GRIK2: variants seen among roughly 807,000 people sequenced by gnomAD.
GRIK2 encodes the protein glutamate ionotropic receptor kainate type subunit 2.
A neutral mutation model predicts 100.3 loss-of-function variants in GRIK2; 32 were observed. That is an observed-to-expected ratio of 0.32 (90% CI 0.24 to 0.43). The LOEUF (loss-of-function observed/expected upper bound fraction) is 0.43. Among genes scored for constraint, GRIK2 ranks in the 20% least tolerant of loss-of-function variants. GRIK2 has a pLI of 1.00. For synonymous variants in GRIK2, 417 were observed against 389.4 expected, an observed-to-expected ratio of 1.07 and a Z score of -0.83; for missense variants, 843 against 1,114.9, an observed-to-expected ratio of 0.76 and a Z score of 3.47.
At chr6:102,048,920 T>C (rs1771034834) in intron 15 of GRIK2, among the ~76,000 whole-genome samples, 1 of 151,924 alleles carries the variant, frequency 6.6e-6, no homozygotes, top group South Asian at 2.1e-4. Context: ...ATATGTCATA[T>C]GAAAAAAAAG....
chr6:102,021,551 G>C (rs1178833178), intron 14 of GRIK2, among the ~76,000 whole-genome samples: 10 of 151,390 alleles, frequency 6.6e-5, no homozygotes, highest in Non-Finnish European at 1.5e-4. Context: ...ATTAATATTT[G>C]AAGTAAAATA....
chr6:101,414,075 A>G (rs1416408103), intron 2 of GRIK2, among the ~76,000 whole-genome samples: 2 of 152,238 alleles, frequency 1.3e-5, no homozygotes, highest in Non-Finnish European at 2.9e-5. Context: ...CATATTCTAT[A>G]GACATAGGTA....
intron 2 of GRIK2, among the ~76,000 whole-genome samples, chr6:101,433,156 A>G (rs1263694070): frequency 6.6e-6 from 1 of 152,206 alleles, no homozygotes; most frequent in Non-Finnish European, 1.5e-5. Flanking sequence ...AAATGAAGGT[A>G]ATAATAACTA....
At chr6:101,400,284 A>T (rs554066837) in intron 2 of GRIK2, among the ~76,000 whole-genome samples, 32 of 152,182 alleles carry the variant, frequency 2.1e-4, no homozygotes, top group Non-Finnish European at 4.4e-4. Context: ...GCTTGAAGGA[A>T]AATCTAAACG....
intron 2 of GRIK2, among the ~76,000 whole-genome samples, chr6:101,448,576 A>G (rs1770499695): frequency 1.3e-5 from 2 of 151,642 alleles, no homozygotes; most frequent in Non-Finnish European, 3.0e-5. Flanking sequence ...AAATACTTGC[A>G]ACATATATTT....
intron 14 of GRIK2, among the ~76,000 whole-genome samples, chr6:102,013,653 T>A (rs1006118309): frequency 1.8e-4 from 28 of 152,168 alleles, no homozygotes; most frequent in Non-Finnish European, 1.0e-4. Context: ...AGATGTTGAA[T>A]ATTATTGAAG....
intron 12 of GRIK2, among the ~76,000 whole-genome samples, chr6:101,903,943 T>C (rs954300013): frequency 6.6e-6 from 1 of 151,576 alleles, no homozygotes; most frequent in Non-Finnish European, 1.5e-5. Context: ...AGGAGAACTA[T>C]GTAGTAGAGT....
intron 7 of GRIK2, among the ~76,000 whole-genome samples, chr6:101,760,164 C>T (rs930164249): frequency 3.4e-5 from 5 of 145,766 alleles, no homozygotes; most frequent in African/African-American, 5.4e-5. Flanking sequence ...CCACCGCGCC[C>T]GGCCAGCATT....
At chr6:101,583,302 G>A (rs1778191091) in intron 2 of GRIK2, among the ~76,000 whole-genome samples, 1 of 152,124 alleles carries the variant, frequency 6.6e-6, no homozygotes, top group Admixed American at 6.6e-5. Context: ...GTTAATGAAG[G>A]TGTCATAAAG....
chr6:101,875,130 A>G (rs940867001), intron 11 of GRIK2, among the ~76,000 whole-genome samples: 27 of 151,986 alleles, frequency 1.8e-4, no homozygotes, highest in African/African-American at 5.8e-4. Context: ...TTCCAACACT[A>G]TGTTGAATAG....
chr6:101,488,556 ATT>A (rs1772945934), intron 2 of GRIK2, among the ~76,000 whole-genome samples: 1 of 146,564 alleles, frequency 6.8e-6, no homozygotes, highest in Non-Finnish European at 1.5e-5. Context: ...CAGTTAATAT[ATT>A]GATCGATAGA....
intron 14 of GRIK2, among the ~76,000 whole-genome samples, chr6:101,987,160 TAAATAA>T (rs1794061293): frequency 6.6e-6 from 1 of 151,732 alleles, no homozygotes; most frequent in African/African-American, 2.4e-5. Context: ...CTGAAATAAA[TAAATAA>T]AAATAAAAAA....
At chr6:101,706,818 T>C (rs1489809400) in intron 7 of GRIK2, among the ~76,000 whole-genome samples, 7 of 151,964 alleles carry the variant, frequency 4.6e-5, no homozygotes, top group Non-Finnish European at 5.9e-5. Context: ...AAGCAGCCTA[T>C]CTGAAGAGCA....
chr6:101,509,824 T>C (rs1363998127), intron 2 of GRIK2, among the ~76,000 whole-genome samples: 1 of 152,194 alleles, frequency 6.6e-6, no homozygotes, highest in Non-Finnish European at 1.5e-5. Context: ...TTTCTTAGTA[T>C]GAATCATGGG....
At chr6:101,635,620 A>G (rs1356184605) in intron 4 of GRIK2, among the ~76,000 whole-genome samples, 1 of 152,182 alleles carries the variant, frequency 6.6e-6, no homozygotes, top group Non-Finnish European at 1.5e-5. Context: ...AAAAAGGGCT[A>G]ATATCCAGAA....
At chr6:101,663,219 A>G (rs1413030399) in intron 4 of GRIK2, among the ~76,000 whole-genome samples, 1 of 152,166 alleles carries the variant, frequency 6.6e-6, no homozygotes, top group East Asian at 1.9e-4. Context: ...CATAGCCAGA[A>G]TAAGAGCTGT....
chr6:101,808,608 T>A (rs2128417429), intron 9 of GRIK2, among the ~76,000 whole-genome samples: 1 of 152,116 alleles, frequency 6.6e-6, no homozygotes, highest in Non-Finnish European at 1.5e-5. Flanking sequence ...TAGCATCAAA[T>A]TTTGCCAATC....
At chr6:101,640,648 A>G (rs1158254302) in intron 4 of GRIK2, among the ~76,000 whole-genome samples, 1 of 152,134 alleles carries the variant, frequency 6.6e-6, no homozygotes, top group African/African-American at 2.4e-5. Flanking sequence ...TTGAATTTCC[A>G]TGTGTATTAA....
intron 4 of GRIK2, among the ~76,000 whole-genome samples, chr6:101,629,938 C>T (rs889989153): frequency 7.9e-5 from 12 of 152,066 alleles, no homozygotes; most frequent in African/African-American, 2.9e-4. Context: ...AAATGTTTAG[C>T]TCCTACTTAT....
Sources: allele counts gnomAD v4.1 joint callset (sites outside exome capture counted in the v4.1 genomes callset), GRCh38; gene constraint gnomAD v4.1.1; transcripts MANE v1.5; gene names NCBI Gene and HGNC (gene_info 2026-07-23, HGNC 2026-07-21).